ADCK1: variants seen among roughly 807,000 people sequenced by gnomAD.
ADCK1 encodes aarF domain containing kinase 1.
A neutral mutation model predicts 52.3 loss-of-function variants in ADCK1; 41 were observed. That is an observed-to-expected ratio of 0.78 (90% CI 0.61 to 1.02). The LOEUF is 1.02. Ranked by LOEUF, ADCK1 falls within the 50% of genes least tolerant of loss-of-function variation. The pLI, the probability that ADCK1 is intolerant of heterozygous loss-of-function variation, is 0.00. For missense variants in ADCK1, 658 were observed against 679.5 expected, an observed-to-expected ratio of 0.97 and a Z score of 0.35; for synonymous variants, 250 against 274.6, an observed-to-expected ratio of 0.91 and a Z score of 0.89.
At chr14:77,819,409 G>A (rs115665530) in intron 2 of ADCK1, among the ~76,000 whole-genome samples, 2 of 152,130 alleles carry the variant, frequency 1.3e-5, no homozygotes, top group Non-Finnish European at 2.9e-5. Flanking sequence ...TTACATTTTA[G>A]GTTCTGTATC....
intron 1 of ADCK1, among the ~76,000 whole-genome samples, chr14:77,805,252 CTTTTTTTTTTTTTTTT>C (rs777184096): frequency 1.6e-5 from 1 of 62,310 alleles, no homozygotes; most frequent in Admixed American, 2.0e-4. Context: ...GCTTTGCATT[CTTTTTTTTTTTTTTTT>C]TTTTTTTTTT....
rs890391593 is a variant in ADCK1, at chr14:77,924,746, T to A, written c.1008+140T>A. 6.5e-6 allele frequency: 8 copies of A among 1,225,946 alleles called. No individual in the cohort carries two copies. In the African/African-American group the frequency reaches 1.2e-4, roughly 19 times the overall value. 75.9% of individuals were successfully genotyped at this position (1,225,946 alleles called of 1,614,324 possible). A position where few individuals can be genotyped will look rare whatever the true frequency, so the allele number is the denominator to read the frequency against. On this transcript the variant is annotated intron_variant, in intron 8 of 10. Coordinates refer to ENST00000238561, the MANE Select transcript of ADCK1 (RefSeq NM_020421.4). Reference sequence around the variant, plus strand: ...TCCCTCTCCCTTGGAGCTGTCATTTTGTGCAAGTCACTGTCACAGAGCTCT... The same window carrying A: ...TCCCTCTCCCTTGGAGCTGTCATTTAGTGCAAGTCACTGTCACAGAGCTCT...
At position 77,824,436 on chromosome 14, in the gene ADCK1, C is replaced by CTT. The variant is rs755099441; in HGVS notation, c.219+1932_219+1933dup. 9.0e-5 allele frequency among the ~76,000 whole-genome samples: 12 copies of CTT among 133,976 alleles called. No individual in the cohort carries two copies. The South Asian group carries it at 1.2e-3, about 13-fold the overall frequency. 87.9% of individuals were successfully genotyped at this position (133,976 alleles called of 152,430 possible). Reference sequence around the variant, plus strand: ...TTTTCCTTTCTTTCTTTCTTTCTTTCTTTTTTTTTTTTTTTGAGATGGAGT... The same window carrying CTT: ...TTTTCCTTTCTTTCTTTCTTTCTTTCTTTTTTTTTTTTTTTTTGAGATGGAGT... On this transcript the variant is annotated intron_variant, in intron 3 of 10. Transcript: ENST00000238561.
At chr14:77,913,969 C>T (rs1595079200) in intron 7 of ADCK1, among the ~76,000 whole-genome samples, 3 of 152,250 alleles carry the variant, frequency 2.0e-5, no homozygotes, top group South Asian at 4.1e-4. Flanking sequence ...CCTGTCTGTT[C>T]CCAGAGCATC....
chr14:77,847,208 A>G (rs2082189388), intron 3 of ADCK1, among the ~76,000 whole-genome samples: 1 of 152,030 alleles, frequency 6.6e-6, no homozygotes, highest in Admixed American at 6.6e-5. Flanking sequence ...GTAGAGAGTG[A>G]GGTGGGGAGT....
intron 4 of ADCK1, among the ~76,000 whole-genome samples, chr14:77,886,422 A>C (rs931860477): frequency 6.6e-6 from 1 of 152,258 alleles, no homozygotes; most frequent in African/African-American, 2.4e-5. Flanking sequence ...TAGAAGGCAC[A>C]GTGGTGGACA....
At chr14:77,876,513 G>C (rs1353279175) in intron 4 of ADCK1, among the ~76,000 whole-genome samples, 1 of 152,146 alleles carries the variant, frequency 6.6e-6, no homozygotes, top group Non-Finnish European at 1.5e-5. Flanking sequence ...TCTTTGGGGG[G>C]CTCATTTTCT....
At chr14:77,900,464 G>A (rs2083510094) in intron 6 of ADCK1, 1 of 380,150 alleles carries the variant, frequency 2.6e-6, no homozygotes, top group Non-Finnish European at 5.2e-6. Flanking sequence ...GTGCACTCCT[G>A]TAATCTCAGC....
At position 77,916,993 on chromosome 14, in the gene ADCK1, T is replaced by C. The variant is rs144716869; in HGVS notation, c.859-7464T>C. On this transcript the variant is annotated intron_variant, in intron 7 of 10. Transcript: ENST00000238561. ...CCCAGTGCTTTGGACAGGGCTGAAG[T>C]GGGAGGATCACTTGAGGCCAGGAGT... is the stretch of plus-strand genomic sequence containing the variant. Among the ~76,000 whole-genome samples the C allele has an allele frequency of 2.1e-3, 318 of 152,228 alleles. 8 individuals are homozygous for C. Among genetic ancestry groups the C allele is most frequent in the Non-Finnish European group, 5.7e-4 (39 of 68,008 alleles).
At position 77,859,109 on chromosome 14, in the gene ADCK1, C is replaced by T. The variant is rs761758645; in HGVS notation, c.253C>T (p.Leu85Phe). The change falls in exon 4 of 11, where the codon CTC (leucine) becomes TTC (phenylalanine). Residue 85 changes from leucine to phenylalanine, a missense_variant. Transcript: ENST00000238561. The part of the protein sequence containing the change: ...HLRSARRLCE[L>F]CCANRGTFIK... ...TCGCTCTGCCAGGCGTCTCTGTGAG[C>T]TCTGCTGTGCCAACCGGGGCACCTT... is the stretch of plus-strand genomic sequence containing the variant. The T allele has an allele frequency of 1.1e-5, 17 of 1,611,176 alleles. No homozygotes were observed. In the South Asian group the frequency reaches 1.9e-4, roughly 18 times the overall value.
chr14:77,868,479 AT>A (rs2082708809), intron 4 of ADCK1, among the ~76,000 whole-genome samples: 2 of 152,024 alleles, frequency 1.3e-5, no homozygotes, highest in Non-Finnish European at 2.9e-5. Context: ...AGGAAGCCAT[AT>A]TTTCCTAAGT....
chr14:77,872,978 C>T (rs1261023026), intron 4 of ADCK1, among the ~76,000 whole-genome samples: 2 of 152,088 alleles, frequency 1.3e-5, no homozygotes, highest in African/African-American at 4.8e-5. Context: ...GCCCGGCCTC[C>T]CCACTGCTTT....
intron 1 of ADCK1, among the ~76,000 whole-genome samples, chr14:77,812,170 T>C (rs1441308274): frequency 6.6e-6 from 1 of 152,162 alleles, no homozygotes; most frequent in Non-Finnish European, 1.5e-5. Context: ...TCTCAGCAAA[T>C]TTCAAGTAAA....
chr14:77,805,964 C>T (rs1351436613), intron 1 of ADCK1, among the ~76,000 whole-genome samples: 1 of 148,458 alleles, frequency 6.7e-6, no homozygotes, highest in Non-Finnish European at 1.5e-5. Context: ...GTTCTGGTTC[C>T]TCCCATAATC....
At position 77,925,771 on chromosome 14, in the gene ADCK1, CG is replaced by C. The variant is rs1566740727; in HGVS notation, c.1018del (p.Glu340LysfsTer5). 3 of 1,614,064 alleles carry C rather than the reference CG, an allele frequency of 1.9e-6. No homozygotes were observed. The South Asian group carries it at 3.3e-5, about 18-fold the overall frequency. ...LLDHGLYQML[T>X]EEFRLNYCHL... ...CTGCCGCCTCCACCCTAGATGCTCA[CG>C]GAAGAATTCCGCCTGAATTACTGCC... On this transcript the variant is annotated frameshift_variant, in exon 9 of 11. Coordinates refer to ENST00000238561, the MANE Select transcript of ADCK1 (RefSeq NM_020421.4). LOFTEE classifies it high-confidence loss of function.
chr14:77,933,482 C>T lies in ADCK1; in HGVS notation c.*91C>T, dbSNP rs577729817. The T allele has an allele frequency of 3.3e-5, 49 of 1,493,840 alleles. No individual in the cohort carries two copies. Among genetic ancestry groups the T allele is most frequent in the African/African-American group, 1.4e-4 (10 of 72,552 alleles). The allele number at this position is 1,493,840 out of a possible 1,614,324, so 92.5% of individuals were successfully genotyped here. Reference sequence around the variant, plus strand: ...CCCAGCTGCTCCATTTTTGCCACATCGTGGCCCGCAGCCCCAGAGTCACTG... The same window carrying T: ...CCCAGCTGCTCCATTTTTGCCACATTGTGGCCCGCAGCCCCAGAGTCACTG... On this transcript the variant is annotated 3_prime_UTR_variant, in exon 11 of 11. Transcript: ENST00000238561.
At chr14:77,908,884 G>C (rs977318041) in intron 7 of ADCK1, among the ~76,000 whole-genome samples, 5 of 152,154 alleles carry the variant, frequency 3.3e-5, no homozygotes, top group Admixed American at 6.5e-5. Flanking sequence ...CCACAGGTTG[G>C]TGTCCCCAGC....
intron 3 of ADCK1, among the ~76,000 whole-genome samples, chr14:77,855,287 C>T (rs2082394401): frequency 6.6e-6 from 1 of 152,228 alleles, no homozygotes; most frequent in South Asian, 2.1e-4. Flanking sequence ...GAAACACTAG[C>T]CCTGGCTAAA....
Position 77,933,497 on chromosome 14 carries a change from C to T in ADCK1, c.*106C>T, listed in dbSNP as rs2084389516. Reference sequence around the variant, plus strand: ...TTTGCCACATCGTGGCCCGCAGCCCCAGAGTCACTGTCCATGTCACCATCC... The same window carrying T: ...TTTGCCACATCGTGGCCCGCAGCCCTAGAGTCACTGTCCATGTCACCATCC... On this transcript the variant is annotated 3_prime_UTR_variant, in exon 11 of 11. Transcript: ENST00000238561. The T allele has an allele frequency of 3.6e-6, 5 of 1,381,678 alleles. No individual in the cohort carries two copies. The East Asian group carries it at 6.9e-5, about 19-fold the overall frequency. 85.6% of individuals were successfully genotyped at this position (1,381,678 alleles called of 1,614,324 possible).
Sources: gnomAD v4.1 joint callset for allele counts (sites outside exome capture counted in the v4.1 genomes callset) on GRCh38, gnomAD v4.1.1 for gene constraint, MANE v1.5 for transcripts, NCBI Gene and HGNC (gene_info 2026-07-23, HGNC 2026-07-21) for gene names.